The following ATP13A4 variants were observed in gnomAD, a reference collection of about 807,000 sequenced individuals.
ATP13A4 encodes the protein probable cation-transporting ATPase 13A4.
A neutral mutation model predicts 142.5 loss-of-function variants in ATP13A4; 114 were observed. The ratio of observed to expected loss-of-function variants is 0.80; its 90% CI spans 0.69 to 0.93. The LOEUF is 0.93. Among genes scored for constraint, ATP13A4 ranks in the 40% least tolerant of loss-of-function variants. The pLI is 0.00. For synonymous variants in ATP13A4, 488 were observed against 514.8 expected (o/e 0.95, Z 0.70); for missense variants, 1,392 against 1,454.0 (o/e 0.96, Z 0.69).
upstream of ATP13A4, among the ~76,000 whole-genome samples, chr3:193,559,536 C>A (rs1014862622): frequency 1.3e-5 from 2 of 152,162 alleles, no homozygotes; most frequent in African/African-American, 2.4e-5. Context: ...AGAGGAATTA[C>A]CTGCCTCAAG....
intron 9 of ATP13A4, among the ~76,000 whole-genome samples, chr3:193,468,243 A>T (rs776960701): frequency 1.3e-5 from 2 of 152,196 alleles, no homozygotes; most frequent in Non-Finnish European, 2.9e-5. Context: ...ATGTAGAGAG[A>T]TTTAACCACT....
chr3:193,467,061 C>T (rs952338643), intron 10 of ATP13A4, among the ~76,000 whole-genome samples: 1 of 151,988 alleles, frequency 6.6e-6, no homozygotes, highest in Non-Finnish European at 1.5e-5. Flanking sequence ...TTGTTTGTAA[C>T]TCAAAGGACA....
At chr3:193,511,560 A>G (rs1344737477) in intron 2 of ATP13A4, among the ~76,000 whole-genome samples, 2 of 152,222 alleles carry the variant, frequency 1.3e-5, no homozygotes, top group African/African-American at 4.8e-5. Context: ...TGTATAGAAC[A>G]CTTTTGGAAT....
chr3:193,414,594 G>A lies in ATP13A4; in HGVS notation c.2999C>T (p.Ser1000Phe), dbSNP rs762150051. The A allele has an allele frequency of 6.2e-7, 1 of 1,613,956 alleles. No individual in the cohort carries two copies. The highest frequency in any genetic ancestry group is 1.7e-5 in the Admixed American group (1 of 59,970). Residue 1000 changes from serine (S) to phenylalanine (F), a missense_variant, in exon 26 of 30, where the codon TCC becomes TTC. By Grantham distance (155) the Ser-to-Phe change is radical. Coordinates refer to ENST00000342695, the MANE Select transcript of ATP13A4 (RefSeq NM_032279.4). ...FILVQRQPWY[S>F]VEIHSACTVQ... is the part of the protein sequence containing the mutation. ...ATACTCATACCTGTGTATCTCCACG[G>A]AATACCAAGGCTGCCTCTGAACCAG...
At chr3:193,523,140 TAAAAATTCC>T (rs1721814660) in intron 1 of ATP13A4, among the ~76,000 whole-genome samples, 1 of 152,032 alleles carries the variant, frequency 6.6e-6, no homozygotes, top group South Asian at 2.1e-4. Context: ...CCGTCTCTAC[TAAAAATTCC>T]AAAAATTAGC....
At position 193,496,777 on chromosome 3, in the gene ATP13A4, C is replaced by A. The variant is rs577393683; in HGVS notation, c.382-3617G>T. On this transcript the variant is annotated intron_variant, in intron 3 of 29. Coordinates refer to ENST00000342695, the MANE Select transcript of ATP13A4 (RefSeq NM_032279.4). ...CTGCACCCCAGCCTGGGAGACAGGG[C>A]ACGACTCTGTCTCAAAATACATAAA... Among the ~76,000 whole-genome samples the A allele has an allele frequency of 8.6e-5, 13 of 151,196 alleles. No individual in the cohort carries two copies. In the South Asian group the frequency reaches 2.7e-3, roughly 32 times the overall value.
In ATP13A4 at chr3:193,471,325, G is replaced by A. The variant is rs539846095; in HGVS notation, c.809-332C>T. ...TGCCTGTAATCCCAGCACTTTTGGA[G>A]CCCAATGCGGGAGAATCACTTGAGC... On this transcript the variant is annotated intron_variant, in intron 8 of 29. Coordinates refer to ENST00000342695, the MANE Select transcript of ATP13A4 (RefSeq NM_032279.4). Among the ~76,000 whole-genome samples, 17 of 152,280 alleles carry A rather than the reference G, an allele frequency of 1.1e-4. No homozygotes were observed. In the South Asian group the frequency reaches 3.5e-3, roughly 32 times the overall value.
intron 1 of ATP13A4, among the ~76,000 whole-genome samples, chr3:193,547,818 C>A (rs963741472): frequency 2.0e-4 from 30 of 152,142 alleles, no homozygotes; most frequent in African/African-American, 7.2e-4. Context: ...TATCACCATC[C>A]TGAAATTCTT....
chr3:193,408,121 C>G (rs547459267), intron 28 of ATP13A4, among the ~76,000 whole-genome samples: 3 of 152,222 alleles, frequency 2.0e-5, no homozygotes, highest in African/African-American at 7.2e-5. Flanking sequence ...GAAAAAGTGC[C>G]AAGGGCATCC....
At chr3:193,544,122 T>C (rs1048952461) in intron 1 of ATP13A4, among the ~76,000 whole-genome samples, 11 of 152,276 alleles carry the variant, frequency 7.2e-5, no homozygotes, top group Admixed American at 5.2e-4. Flanking sequence ...CTTACTTCTC[T>C]GGACTCTTCT....
intron 23 of ATP13A4, among the ~76,000 whole-genome samples, chr3:193,437,387 C>G (rs945398759): frequency 1.3e-4 from 20 of 151,942 alleles, no homozygotes; most frequent in African/African-American, 4.8e-4. Context: ...GTTTCTGGCA[C>G]TAAATGCCTA....
At chr3:193,485,172 C>CA (rs1324935674) in intron 7 of ATP13A4, among the ~76,000 whole-genome samples, 1 of 149,932 alleles carries the variant, frequency 6.7e-6, no homozygotes, top group Admixed American at 6.6e-5. Context: ...TAAGTCAAAG[C>CA]AAAAAAAGAG....
At chr3:193,445,445 T>C (rs1254121825) in intron 18 of ATP13A4, among the ~76,000 whole-genome samples, 2 of 142,800 alleles carry the variant, frequency 1.4e-5, no homozygotes, top group Non-Finnish European at 3.0e-5. Context: ...CAAAAAAATA[T>C]ATAAAAAATA....
At chr3:193,448,438 T>A in intron 17 of ATP13A4, 108 bp from the exon 18 acceptor site, 4 of 1,376,654 alleles carry the variant, frequency 2.9e-6, no homozygotes, top group Non-Finnish European at 4.0e-6. Flanking sequence ...GTGGTTCAAG[T>A]CATTCTCCTG....
chr3:193,446,486 T>C (rs754566789), intron 18 of ATP13A4, among the ~76,000 whole-genome samples: 4 of 152,188 alleles, frequency 2.6e-5, no homozygotes, highest in Non-Finnish European at 5.9e-5. Context: ...TTTAAGTGAA[T>C]GAATCATCAT....
At chr3:193,543,391 G>A (rs1325742938) in intron 1 of ATP13A4, among the ~76,000 whole-genome samples, 1 of 152,114 alleles carries the variant, frequency 6.6e-6, no homozygotes, top group East Asian at 1.9e-4. Flanking sequence ...ATCTGACAGA[G>A]GTCTAATATC....
intron 22 of ATP13A4, 139 bp downstream of exon 22, chr3:193,438,884 T>C (rs1448574080): frequency 1.1e-6 from 1 of 943,876 alleles, no homozygotes; most frequent in Non-Finnish European, 1.7e-6. Flanking sequence ...GTAAATGGTA[T>C]ATATGCCAGG....
rs776802303 is a variant in ATP13A4, at chr3:193,489,778, T to C, written c.690A>G (p.Ile230Met). Residue 230 changes from isoleucine (I) to methionine (M), a missense_variant, in exon 7 of 30, where the codon ATA becomes ATG. By Grantham distance (10) the Ile-to-Met change is conservative. Transcript: ENST00000342695. ...AAGATATGGAAATTATGGACATGAT[T>C]ATGATGGCAAAAGCATATTCCTTAT... ...EDYKEYAFAI[I>M]IMSIISISLT... 1 of 1,611,264 alleles carries C rather than the reference T, an allele frequency of 6.2e-7. No homozygotes were observed. Among genetic ancestry groups the C allele is most frequent in the East Asian group, 2.2e-5 (1 of 44,824 alleles).
chr3:193,477,817 G>A (rs1269873388), intron 8 of ATP13A4, among the ~76,000 whole-genome samples: 2 of 152,020 alleles, frequency 1.3e-5, no homozygotes, highest in African/African-American at 4.8e-5. Context: ...GGAGAGCCAC[G>A]AAGATCTGCC....
Sources: allele counts gnomAD v4.1 joint callset (sites outside exome capture counted in the v4.1 genomes callset), GRCh38; gene constraint gnomAD v4.1.1; transcripts MANE v1.5; gene names NCBI Gene and HGNC (gene_info 2026-07-23, HGNC 2026-07-21).